The following CLEC2L variants were observed in gnomAD, a reference collection of about 807,000 sequenced individuals.
CLEC2L encodes C-type lectin domain family 2, member L.
Under a neutral mutation model 23.6 loss-of-function variants are expected in CLEC2L, and 14 were observed. That is an observed-to-expected ratio of 0.59 (90% confidence interval 0.39 to 0.93). The LOEUF (loss-of-function observed/expected upper bound fraction) is 0.93. Ranked by LOEUF, CLEC2L falls within the 40% of genes least tolerant of loss-of-function variation. The pLI, the probability that CLEC2L is intolerant of heterozygous loss-of-function variation, is 0.00. For synonymous variants in CLEC2L, 114 were observed against 121.3 expected, an observed-to-expected ratio of 0.94 and a Z score of 0.40; for missense variants, 264 against 282.4, an observed-to-expected ratio of 0.93 and a Z score of 0.47.
chr7:139,524,185 G>A lies in CLEC2L; in HGVS notation c.190+68G>A, dbSNP rs551778677. 42 of 1,129,220 alleles carry A rather than the reference G, an allele frequency of 3.7e-5. No homozygotes were observed. In the South Asian group the frequency reaches 1.5e-3, roughly 39 times the overall value. The allele number at this position is 1,129,220 out of a possible 1,614,324, so 70.0% of individuals were successfully genotyped here. Reference sequence around the variant, plus strand: ...GCCCAGGCCCGACCCGCGACCCGGAGGCGGTCAGAGTCACCTTGGCCGCTG... The same window carrying A: ...GCCCAGGCCCGACCCGCGACCCGGAAGCGGTCAGAGTCACCTTGGCCGCTG... On this transcript the variant is annotated intron_variant, in intron 1 of 4. Coordinates refer to ENST00000422142, the MANE Select transcript of CLEC2L (RefSeq NM_001080511.4).
intron 1 of CLEC2L, among the ~76,000 whole-genome samples, 194 bp downstream of exon 1, chr7:139,524,311 G>A (rs956732285): frequency 7.2e-4 from 109 of 152,154 alleles, no homozygotes; most frequent in Non-Finnish European, 1.4e-3. Context: ...GGAGGGAACC[G>A]GGGGCCACCG....
intron 1 of CLEC2L, chr7:139,534,578 G>T (rs1797626517): frequency 2.7e-6 from 2 of 730,822 alleles, no homozygotes; most frequent in African/African-American, 1.7e-5. Context: ...CATTAGGGGG[G>T]TTGGGGGTGG....
chr7:139,525,705 A>T (rs901006445), intron 1 of CLEC2L, among the ~76,000 whole-genome samples: 3 of 152,102 alleles, frequency 2.0e-5, no homozygotes, highest in Non-Finnish European at 4.4e-5. Context: ...CCCTAACCTT[A>T]ACCCCAGCCC....
In CLEC2L at chr7:139,539,238, A is replaced by G. The variant is rs999766154; in HGVS notation, c.266-1083A>G. The G allele has an allele frequency of 6.6e-6, 1 of 152,230 alleles. No homozygotes were observed. Among genetic ancestry groups the G allele is most frequent in the East Asian group, 1.9e-4 (1 of 5,202 alleles). 9.4% of individuals were successfully genotyped at this position (152,230 alleles called of 1,614,324 possible). A position where few individuals can be genotyped will look rare whatever the true frequency, so the allele number is the denominator to read the frequency against. ...CAGATGGGTGAAAGAAATCAAGATT[A>G]AAATGTATCTTGAATAACTCAAATG... is the stretch of plus-strand genomic sequence containing the variant. On this transcript the variant is annotated intron_variant, in intron 2 of 4. Transcript: ENST00000422142. This position sits in a 1 kb window ranked among gnomAD's most constrained non-coding sequence, Gnocchi z 4.1.
rs1797709778 is a variant in CLEC2L at position 139,539,930 on chromosome 7, AACATGGGCATGGTTAATG to A, written c.266-387_266-370del. On this transcript the variant is annotated intron_variant, in intron 2 of 4. Transcript: ENST00000422142. The surrounding 1 kb of genome is among the most constrained non-coding windows in gnomAD (Gnocchi z 4.1). Reference sequence around the variant, plus strand: ...TGGTGGAATGGCAGCCTTGGTAGCTAACATGGGCATGGTTAATGACAGCGGGCAGTCTGTCCTGCTGTT... The same window carrying A: ...TGGTGGAATGGCAGCCTTGGTAGCTAACAGCGGGCAGTCTGTCCTGCTGTT... The A allele has an allele frequency of 5.2e-6, 1 of 192,102 alleles. No individual in the cohort carries two copies. The highest frequency in any genetic ancestry group is 1.4e-4 in the East Asian group (1 of 7,164). 11.9% of individuals were successfully genotyped at this position (192,102 alleles called of 1,614,324 possible). A position where few individuals can be genotyped will look rare whatever the true frequency, so the allele number is the denominator to read the frequency against.
At chr7:139,534,609 C>T (rs868227584) in intron 1 of CLEC2L, 32 of 685,170 alleles carry the variant, frequency 4.7e-5, no homozygotes, top group Admixed American at 1.5e-4. Flanking sequence ...CAGGTGAGTA[C>T]GGTGTGCTGT....
At chr7:139,541,208 C>T (rs1243771883) in intron 3 of CLEC2L, among the ~76,000 whole-genome samples, 5 of 152,110 alleles carry the variant, frequency 3.3e-5, no homozygotes, top group Admixed American at 6.5e-5. Context: ...AGGGTTTCAC[C>T]ATGTTGGCCA....
In CLEC2L at chr7:139,536,362, T is replaced by A; in HGVS notation, c.265+14T>A. Reference sequence around the variant, plus strand: ...TGAGCATCTTGGGTGAGCATGCGTGTCAGAGCATTTATGCATTCAGTTTGC... The same window carrying A: ...TGAGCATCTTGGGTGAGCATGCGTGACAGAGCATTTATGCATTCAGTTTGC... On this transcript the variant is annotated intron_variant, in intron 2 of 4. Transcript: ENST00000422142. The A allele has an allele frequency of 6.5e-7, 1 of 1,550,112 alleles. No individual in the cohort carries two copies. The highest frequency in any genetic ancestry group is 8.7e-7 in the Non-Finnish European group (1 of 1,145,742).
chr7:139,528,534 C>G (rs373910743), intron 1 of CLEC2L, among the ~76,000 whole-genome samples: 1 of 152,092 alleles, frequency 6.6e-6, no homozygotes, highest in Non-Finnish European at 1.5e-5. Context: ...TTTATAAAAC[C>G]ATCAGATCTT....
chr7:139,526,771 TC>T (rs1368819266), intron 1 of CLEC2L, among the ~76,000 whole-genome samples: 6 of 152,206 alleles, frequency 3.9e-5, no homozygotes, highest in African/African-American at 1.4e-4. Flanking sequence ...GTATGGTGAC[TC>T]CTCTTCCCAG....
rs1797720267 is a variant in CLEC2L, at chr7:139,540,538, C to A, written c.432+51C>A. The A allele has an allele frequency of 3.2e-6, 5 of 1,545,634 alleles. No homozygotes were observed. Among genetic ancestry groups the A allele is most frequent in the African/African-American group, 2.7e-5 (2 of 73,098 alleles). On this transcript the variant is annotated intron_variant, in intron 3 of 4. Transcript: ENST00000422142. This position sits in a 1 kb window ranked among gnomAD's most constrained non-coding sequence, Gnocchi z 5.8. ...TGGGGGAAGGGACCCTCAGGGCCCC[C>A]AACCTTGACTCTAGGGGACAGCCAC...
Position 139,540,192 on chromosome 7 carries a change from G to C in CLEC2L, c.266-129G>C. On this transcript the variant is annotated intron_variant, in intron 2 of 4. Coordinates refer to ENST00000422142, the MANE Select transcript of CLEC2L (RefSeq NM_001080511.4). This position sits in a 1 kb window ranked among gnomAD's most constrained non-coding sequence, Gnocchi z 5.8. ...GCCACCCTTTTACCTCCAGGCACCA[G>C]GAGAGGACAGCCACATCTGCAGTGT... 1 of 877,056 alleles carries C rather than the reference G, an allele frequency of 1.1e-6. No homozygotes were observed. Among genetic ancestry groups the C allele is most frequent in the Non-Finnish European group, 1.7e-6 (1 of 578,234 alleles). 54.3% of individuals were successfully genotyped at this position (877,056 alleles called of 1,614,324 possible). A position where few individuals can be genotyped will look rare whatever the true frequency, so the allele number is the denominator to read the frequency against.
chr7:139,540,573 G>T lies in CLEC2L; in HGVS notation c.432+86G>T. On this transcript the variant is annotated intron_variant, in intron 3 of 4. Coordinates refer to ENST00000422142, the MANE Select transcript of CLEC2L (RefSeq NM_001080511.4). The surrounding 1 kb of genome is among the most constrained non-coding windows in gnomAD (Gnocchi z 5.8). ...TCTAGGGGACAGCCACACAGTAAAG[G>T]ATGCAGTGTTCCCTGTGACACGTCT... is the stretch of plus-strand genomic sequence containing the variant. The T allele has an allele frequency of 6.9e-7, 1 of 1,454,836 alleles. No homozygotes were observed. 90.1% of individuals were successfully genotyped at this position (1,454,836 alleles called of 1,614,324 possible). A position where few individuals can be genotyped will look rare whatever the true frequency, so the allele number is the denominator to read the frequency against.
rs941399027 is a variant in CLEC2L, at chr7:139,529,331, G to A, written c.190+5214G>A. Among the ~76,000 whole-genome samples the A allele has an allele frequency of 3.3e-5, 5 of 152,154 alleles. No homozygotes were observed. In the East Asian group the frequency reaches 9.6e-4, roughly 29 times the overall value. On this transcript the variant is annotated intron_variant, in intron 1 of 4. Transcript: ENST00000422142. ...GATGAGGAAAATGAACTACAATAGA[G>A]GCTAAGAAACTTTACCATCCATACA...
Position 139,542,034 on chromosome 7 carries a change from A to G in CLEC2L, c.446A>G (p.Lys149Arg). ...TCCTCGGTGCAGGAATTTATGTTCA[A>G]GTTCACGCGGAGGGAGCCCTGGATT... ...QSQKELEFMFKFTRREPWIGL... is the reference protein window; with the variant it reads ...QSQKELEFMFRFTRREPWIGL... Residue 149 changes from lysine (K) to arginine (R), a missense_variant, in exon 4 of 5, where the codon AAG becomes AGG. Coordinates refer to ENST00000422142, the MANE Select transcript of CLEC2L (RefSeq NM_001080511.4). 1.2e-6 allele frequency: 2 copies of G among 1,612,062 alleles called. No individual in the cohort carries two copies. The highest frequency in any genetic ancestry group is 1.7e-6 in the Non-Finnish European group (2 of 1,179,090).
chr7:139,528,023 T>A (rs377669160), intron 1 of CLEC2L, among the ~76,000 whole-genome samples: 1 of 152,140 alleles, frequency 6.6e-6, no homozygotes, highest in South Asian at 2.1e-4. Flanking sequence ...TTGTTCCTTC[T>A]AAAATTAGGT....
At position 139,539,583 on chromosome 7, in the gene CLEC2L, T is replaced by A. The variant is rs939961853; in HGVS notation, c.266-738T>A. 3 of 152,326 alleles carry A rather than the reference T, an allele frequency of 2.0e-5. No individual in the cohort carries two copies. Among genetic ancestry groups the A allele is most frequent in the Non-Finnish European group, 4.4e-5 (3 of 68,108 alleles). 9.4% of individuals were successfully genotyped at this position (152,326 alleles called of 1,614,324 possible). A position where few individuals can be genotyped will look rare whatever the true frequency, so the allele number is the denominator to read the frequency against. On this transcript the variant is annotated intron_variant, in intron 2 of 4. Coordinates refer to ENST00000422142, the MANE Select transcript of CLEC2L (RefSeq NM_001080511.4). The surrounding 1 kb of genome is among the most constrained non-coding windows in gnomAD (Gnocchi z 4.1). ...TTGCTGCTGGTAGAGCCACATCTGA[T>A]GTGTCCCGGTCTGTCCTGGTGGCAG...
At chr7:139,535,463 T>C (rs747446585) in intron 1 of CLEC2L, among the ~76,000 whole-genome samples, 1 of 152,164 alleles carries the variant, frequency 6.6e-6, no homozygotes, top group Non-Finnish European at 1.5e-5. Context: ...TGCACAACAT[T>C]GTGAGTGTAC....
At chr7:139,531,106 T>G (rs1430161587) in intron 1 of CLEC2L, among the ~76,000 whole-genome samples, 1 of 152,140 alleles carries the variant, frequency 6.6e-6, no homozygotes, top group African/African-American at 2.4e-5. Context: ...GCTTGGAGGC[T>G]CCAGTGAACT....
Sources: allele counts gnomAD v4.1 joint callset (sites outside exome capture counted in the v4.1 genomes callset), GRCh38; gene constraint gnomAD v4.1.1; non-coding constraint Gnocchi (gnomAD v3.1); transcripts MANE v1.5; gene names NCBI Gene and HGNC (gene_info 2026-07-23, HGNC 2026-07-21).